CCDC171: variants seen among roughly 807,000 people sequenced by gnomAD.
CCDC171 encodes coiled-coil domain-containing protein 171.
In CCDC171, 177 loss-of-function variants were observed where a neutral mutation model predicts 168.2. The ratio of observed to expected loss-of-function variants is 1.05; its 90% CI spans 0.93 to 1.19. CCDC171 has a LOEUF of 1.19. Ranked by LOEUF, CCDC171 falls within the 50% of genes most tolerant of loss-of-function variation. CCDC171 has a pLI of 0.00. For synonymous variants in CCDC171, 687 were observed against 540.8 expected, an observed-to-expected ratio of 1.27 and a Z score of -3.75; for missense variants, 1,991 against 1,539.0, an observed-to-expected ratio of 1.29 and a Z score of -4.91.
chr9:15,653,097 T>G (rs1010868363), intron 7 of CCDC171, among the ~76,000 whole-genome samples: 8 of 152,310 alleles, frequency 5.3e-5, no homozygotes, highest in African/African-American at 1.9e-4. Flanking sequence ...CGTGAAAGTC[T>G]TAATTCATTC....
At chr9:15,743,275 C>G (rs1268301909) in intron 16 of CCDC171, among the ~76,000 whole-genome samples, 1 of 151,030 alleles carries the variant, frequency 6.6e-6, no homozygotes, top group East Asian at 1.9e-4. Context: ...AATTGATTCT[C>G]TGACCTCAGC....
chr9:15,724,918 C>T lies in CCDC171; in HGVS notation c.1634C>T (p.Ala545Val), dbSNP rs557646249. ...LHCWEKEKAQAAQSESELQKL... is the reference protein window; with the variant it reads ...LHCWEKEKAQVAQSESELQKL... ...TGTTGGGAGAAAGAAAAGGCTCAGG[C>T]AGCCCAGTCTGAAAGTGAACTGCAG... Residue 545 changes from alanine to valine, a missense_variant, in exon 14 of 26, where the codon GCA becomes GTA. Physicochemically the swap from Ala to Val is moderately conservative, Grantham distance 64. Coordinates refer to ENST00000380701, the MANE Select transcript of CCDC171 (RefSeq NM_173550.4). 18 of 1,613,968 alleles carry T rather than the reference C, an allele frequency of 1.1e-5. No individual in the cohort carries two copies. In the African/African-American group the frequency reaches 1.5e-4, roughly 13 times the overall value.
intron 25 of CCDC171, among the ~76,000 whole-genome samples, chr9:15,961,574 A>T (rs1034119794): frequency 6.6e-6 from 1 of 152,210 alleles, no homozygotes; most frequent in Non-Finnish European, 1.5e-5. Context: ...GAAAACATTG[A>T]AATGAGAGTG....
chr9:15,623,461 ATATGCGCGCGCGCG>A, intron 7 of CCDC171, 48 bp downstream of exon 7: 1 of 644,176 alleles, frequency 1.6e-6, no homozygotes, highest in South Asian at 1.8e-5. Context: ...AAACTTTCAC[ATATGCGCGCGCGCG>A]CACACACACA....
At chr9:15,744,032 T>G (rs2055080714) in intron 16 of CCDC171, among the ~76,000 whole-genome samples, 1 of 152,220 alleles carries the variant, frequency 6.6e-6, no homozygotes, top group Non-Finnish European at 1.5e-5. Flanking sequence ...ATTTATGTGT[T>G]CTACTTTACA....
At chr9:15,554,229 C>A (rs1410758901) in intron 1 of CCDC171, among the ~76,000 whole-genome samples, 1 of 152,130 alleles carries the variant, frequency 6.6e-6, no homozygotes, top group Admixed American at 6.5e-5. Context: ...ACTGTGTTAG[C>A]CAGGATGGTC....
chr9:15,874,265 A>G (rs1817553744), intron 23 of CCDC171, among the ~76,000 whole-genome samples: 1 of 152,114 alleles, frequency 6.6e-6, no homozygotes, highest in Admixed American at 6.6e-5. Context: ...AAAATAATTC[A>G]AAACCTCTTG....
intron 24 of CCDC171, among the ~76,000 whole-genome samples, chr9:15,887,611 A>C (rs1399734234): frequency 6.6e-6 from 1 of 152,178 alleles, no homozygotes; most frequent in East Asian, 1.9e-4. Flanking sequence ...AAATTTCTAC[A>C]CGTTTGTAGA....
At chr9:15,564,799 T>C (rs2039593574) in intron 2 of CCDC171, among the ~76,000 whole-genome samples, 2 of 152,248 alleles carry the variant, frequency 1.3e-5, no homozygotes, top group Admixed American at 1.3e-4. Context: ...TAGAAACTTT[T>C]ATAGTCATGT....
At chr9:15,573,028 A>T (rs965532898) in intron 3 of CCDC171, among the ~76,000 whole-genome samples, 2 of 152,082 alleles carry the variant, frequency 1.3e-5, no homozygotes, top group Non-Finnish European at 2.9e-5. Context: ...GCGTAGTGGC[A>T]CACACCTGTA....
At chr9:15,755,105 TAAAATA>T in intron 18 of CCDC171, among the ~76,000 whole-genome samples, 1 of 152,268 alleles carries the variant, frequency 6.6e-6, no homozygotes, top group African/African-American at 2.4e-5. Context: ...TGACCCTACT[TAAAATA>T]CCTTAATCAA....
At chr9:15,757,360 G>A (rs1588327949) in intron 18 of CCDC171, among the ~76,000 whole-genome samples, 1 of 152,202 alleles carries the variant, frequency 6.6e-6, no homozygotes, top group South Asian at 2.1e-4. Flanking sequence ...TAGACTGGCG[G>A]TGTTTTGCCC....
rs541660048 is a variant in CCDC171 at position 15,739,234 on chromosome 9, A to T, written c.2050-5039A>T. ...AGATTGTTAGTATTCAAATAGTGTT[A>T]GGGGAGATCGAAGGCAAAGGAGCCG... On this transcript the variant is annotated intron_variant, in intron 16 of 25. Transcript: ENST00000380701. Among the ~76,000 whole-genome samples, 13 of 152,336 alleles carry T rather than the reference A, an allele frequency of 8.5e-5. No individual in the cohort carries two copies. In the South Asian group the frequency reaches 2.7e-3, roughly 32 times the overall value.
chr9:16,038,153 A>G (rs898498680), upstream of CCDC171, among the ~76,000 whole-genome samples: 6 of 152,164 alleles, frequency 3.9e-5, no homozygotes, highest in Non-Finnish European at 7.4e-5. Context: ...ACTAGGAAAA[A>G]TCACTATCGG....
chr9:16,005,460 T>C (rs952864249), intron 3 of CCDC171, among the ~76,000 whole-genome samples: 2 of 152,228 alleles, frequency 1.3e-5, no homozygotes, highest in Non-Finnish European at 2.9e-5. Context: ...ACTATAAACA[T>C]TCTGTGCAAG....
In CCDC171 at chr9:15,729,681, C is replaced by T. The variant is rs759969883; in HGVS notation, c.1932C>T (p.Asp644=). 4 of 1,613,324 alleles carry T rather than the reference C, an allele frequency of 2.5e-6. No homozygotes were observed. The highest frequency in any genetic ancestry group is 3.4e-6 in the Non-Finnish European group (4 of 1,179,502). ...GAGAGCTTCAGCAGACTCAGGAAGA[C>T]ACCTTTACCAAAGTGGCAGAACAGA... The part of the protein sequence containing the change: ...TMRELQQTQE[D]TFTKVAEQIK... The change falls in exon 16 of 26, where the codon GAC becomes GAT. Residue 644 remains aspartate, a synonymous_variant. Coordinates refer to ENST00000380701, the MANE Select transcript of CCDC171 (RefSeq NM_173550.4).
chr9:15,652,648 C>T (rs558583317), intron 7 of CCDC171, among the ~76,000 whole-genome samples: 1 of 152,130 alleles, frequency 6.6e-6, no homozygotes, highest in African/African-American at 2.4e-5. Context: ...ACTATGTTGC[C>T]CAGGCTGGTC....
chr9:15,958,450 C>T (rs1286556408), intron 25 of CCDC171, among the ~76,000 whole-genome samples: 1 of 151,068 alleles, frequency 6.6e-6, no homozygotes, highest in Admixed American at 6.6e-5. Context: ...TCTAAGCAAA[C>T]ATAAGACTGT....
intron 6 of CCDC171, among the ~76,000 whole-genome samples, chr9:16,034,155 G>C (rs978214354): frequency 6.6e-6 from 1 of 152,176 alleles, no homozygotes; most frequent in African/African-American, 2.4e-5. Context: ...AAGCAACAAC[G>C]TGCACTGACA....
Sources: gnomAD v4.1 joint callset for allele counts (sites outside exome capture counted in the v4.1 genomes callset) on GRCh38, gnomAD v4.1.1 for gene constraint, MANE v1.5 for transcripts, NCBI Gene and HGNC (gene_info 2026-07-23, HGNC 2026-07-21) for gene names.